SLC24A3: variants seen among roughly 807,000 people sequenced by gnomAD.
SLC24A3 encodes sodium/potassium/calcium exchanger 3.
SLC24A3 carries 28 observed loss-of-function variants against 75.8 expected under a neutral mutation model. The observed-to-expected ratio is 0.37, with a 90% CI of 0.27 to 0.51. The LOEUF (loss-of-function observed/expected upper bound fraction) is 0.51. Ranked by LOEUF, SLC24A3 falls within the 20% of genes least tolerant of loss-of-function variation. The probability of loss-of-function intolerance (pLI) is 0.94; values close to 1 mark genes in which losing one functional copy is unlikely to be tolerated. For missense variants in SLC24A3, 663 were observed against 847.8 expected, an observed-to-expected ratio of 0.78 and a Z score of 2.71; for synonymous variants, 372 against 334.1, an observed-to-expected ratio of 1.11 and a Z score of -1.24.
intron 2 of SLC24A3, among the ~76,000 whole-genome samples, chr20:19,443,796 T>G (rs1259438396): frequency 6.6e-6 from 1 of 152,220 alleles, no homozygotes; most frequent in Non-Finnish European, 1.5e-5. Flanking sequence ...TTACTTTTAC[T>G]GTTAAACCCT....
chr20:19,346,147 A>ATATATATATATATGG, intron 2 of SLC24A3, among the ~76,000 whole-genome samples: 1 of 79,662 alleles, frequency 1.3e-5, no homozygotes, highest in African/African-American at 5.4e-5. Flanking sequence ...TGGTGTGTGT[A>ATATATATATATATGG]TATATATATG....
chr20:19,706,667 G>C (rs893321889), intron 15 of SLC24A3, among the ~76,000 whole-genome samples: 1 of 152,074 alleles, frequency 6.6e-6, no homozygotes, highest in Admixed American at 6.6e-5. Context: ...CAGAGAAGCT[G>C]CATGGTAAAG....
rs190593763 is a variant in SLC24A3, at chr20:19,540,279, A to T, written c.348+24715A>T. 1.3e-4 allele frequency among the ~76,000 whole-genome samples: 20 copies of T among 152,082 alleles called. No homozygotes were observed. In the East Asian group the frequency reaches 3.1e-3, roughly 24 times the overall value. The stretch of plus-strand genomic sequence containing the variant: ...TGCAACTGGGACCAGCATCTCCTTG[A>T]CTCCAGAACTTGTGTTCTGAAGCAT... On this transcript the variant is annotated intron_variant, in intron 3 of 16. Coordinates refer to ENST00000328041, the MANE Select transcript of SLC24A3 (RefSeq NM_020689.4).
chr20:19,305,110 C>T (rs1984292236), intron 2 of SLC24A3, among the ~76,000 whole-genome samples: 1 of 152,190 alleles, frequency 6.6e-6, no homozygotes, highest in South Asian at 2.1e-4. Context: ...GTCTCAAGGG[C>T]CCTGAGGGAT....
chr20:19,463,754 A>G (rs1482919476), intron 2 of SLC24A3, among the ~76,000 whole-genome samples: 1 of 152,200 alleles, frequency 6.6e-6, no homozygotes. Context: ...GGAGGTGGCC[A>G]GAAAATGGAA....
At chr20:19,518,624 G>C (rs1002132159) in intron 3 of SLC24A3, among the ~76,000 whole-genome samples, 1 of 152,240 alleles carries the variant, frequency 6.6e-6, no homozygotes, top group Non-Finnish European at 1.5e-5. Context: ...TGGTGTTGGA[G>C]AGTGAGAGAA....
intron 2 of SLC24A3, among the ~76,000 whole-genome samples, chr20:19,402,659 A>G (rs1403104560): frequency 6.6e-6 from 1 of 152,260 alleles, no homozygotes; most frequent in Non-Finnish European, 1.5e-5. Flanking sequence ...TTTTTTTGAC[A>G]GATGAAAGCT....
chr20:19,387,270 C>A (rs1986287775), intron 2 of SLC24A3, among the ~76,000 whole-genome samples: 1 of 151,406 alleles, frequency 6.6e-6, no homozygotes, highest in South Asian at 2.1e-4. Flanking sequence ...TTTTATTTAT[C>A]TTTTTGAAAA....
chr20:19,405,998 G>A (rs1345184982), intron 2 of SLC24A3, among the ~76,000 whole-genome samples: 1 of 152,176 alleles, frequency 6.6e-6, no homozygotes, highest in African/African-American at 2.4e-5. Flanking sequence ...AGGAACTTCT[G>A]AAAATATGAT....
chr20:19,697,355 T>G, intron 14 of SLC24A3: 1 of 173,098 alleles, frequency 5.8e-6, no homozygotes. Context: ...ACATGATAGA[T>G]GCACTATCTT....
chr20:19,256,081 C>T (rs183140200), intron 1 of SLC24A3, among the ~76,000 whole-genome samples: 15 of 150,994 alleles, frequency 9.9e-5, no homozygotes, highest in East Asian at 3.9e-4. Flanking sequence ...CCTGCGTGAT[C>T]GAACGAGACC....
At chr20:19,440,487 C>G (rs545102030) in intron 2 of SLC24A3, among the ~76,000 whole-genome samples, 30 of 152,306 alleles carry the variant, frequency 2.0e-4, no homozygotes, top group Admixed American at 9.2e-4. Context: ...TGTTTCCTAG[C>G]AAGGGACAAA....
intron 2 of SLC24A3, among the ~76,000 whole-genome samples, chr20:19,377,470 T>C (rs1326970990): frequency 6.6e-6 from 1 of 152,148 alleles, no homozygotes; most frequent in Admixed American, 6.6e-5. Context: ...ATGAATTTAT[T>C]TTGGTGACGT....
intron 3 of SLC24A3, among the ~76,000 whole-genome samples, chr20:19,548,732 T>C (rs1005737102): frequency 1.3e-5 from 2 of 152,224 alleles, no homozygotes; most frequent in African/African-American, 4.8e-5. Flanking sequence ...ATAATCTTCC[T>C]CTTTTAAGGT....
intron 2 of SLC24A3, among the ~76,000 whole-genome samples, chr20:19,311,042 TCCTTCCTTCCTTCTTGCCTTC>T (rs1476527305): frequency 1.1e-4 from 16 of 151,784 alleles, no homozygotes; most frequent in African/African-American, 3.4e-4. Context: ...TCCTTCCCTT[TCCTTCCTTCCTTCTTGCCTTC>T]CCTTCCTTTT....
At chr20:19,439,200 C>A (rs1369102023) in intron 2 of SLC24A3, among the ~76,000 whole-genome samples, 1 of 152,214 alleles carries the variant, frequency 6.6e-6, no homozygotes, top group Admixed American at 6.5e-5. Context: ...TGTTGGTGAC[C>A]CCAGACCCAC....
intron 2 of SLC24A3, among the ~76,000 whole-genome samples, chr20:19,406,207 T>TGC (rs144662998): frequency 2.7e-5 from 4 of 148,888 alleles, no homozygotes; most frequent in Admixed American, 6.6e-5. Context: ...TGTGTGTGTG[T>TGC]GCGTGCGTGT....
chr20:19,213,270 C>A, intron 1 of SLC24A3: 1 of 208,058 alleles, frequency 4.8e-6, no homozygotes, highest in African/African-American at 2.3e-5. Flanking sequence ...GCTGGAGGTA[C>A]TGCTGGTGGC....
At chr20:19,406,039 CT>C (rs1986638038) in intron 2 of SLC24A3, among the ~76,000 whole-genome samples, 1 of 152,202 alleles carries the variant, frequency 6.6e-6, no homozygotes, top group South Asian at 2.1e-4. Flanking sequence ...TTGCTGGAGT[CT>C]TGGGCCTGCC....
Sources: allele counts gnomAD v4.1 joint callset (sites outside exome capture counted in the v4.1 genomes callset), GRCh38; gene constraint gnomAD v4.1.1; transcripts MANE v1.5; gene names NCBI Gene and HGNC (gene_info 2026-07-23, HGNC 2026-07-21).